The following XIRP2 variants were observed in gnomAD, a reference collection of about 807,000 sequenced individuals.
XIRP2 encodes xin actin binding repeat containing 2, also known as xin actin-binding repeat-containing protein 2.
A neutral mutation model predicts 277.0 loss-of-function variants in XIRP2; 236 were observed. That is an observed-to-expected ratio of 0.85 (90% CI 0.77 to 0.95). The LOEUF (loss-of-function observed/expected upper bound fraction) is 0.95. Ranked by LOEUF, XIRP2 falls within the 40% of genes least tolerant of loss-of-function variation. The probability of loss-of-function intolerance (pLI) is 0.00; values close to 1 mark genes in which losing one functional copy is unlikely to be tolerated. For missense variants in XIRP2, 4,640 were observed against 4,157.5 expected (o/e 1.12, Z -3.19); for synonymous variants, 1,490 against 1,416.5 (o/e 1.05, Z -1.17).
At chr2:167,091,717 T>C (rs371201063) in intron 2 of XIRP2, among the ~76,000 whole-genome samples, 2 of 152,160 alleles carry the variant, frequency 1.3e-5, no homozygotes, top group Non-Finnish European at 1.5e-5. Flanking sequence ...CTGACTAGTA[T>C]TGGACATTAC....
intron 3 of XIRP2, among the ~76,000 whole-genome samples, chr2:167,172,550 G>A (rs1011906566): frequency 3.3e-5 from 5 of 152,036 alleles, no homozygotes; most frequent in African/African-American, 9.7e-5. Context: ...TCCCCAGAAC[G>A]GCCATTTTAG....
intron 2 of XIRP2, among the ~76,000 whole-genome samples, chr2:167,078,309 A>T (rs1047230504): frequency 6.6e-6 from 1 of 152,096 alleles, no homozygotes; most frequent in Admixed American, 6.5e-5. Flanking sequence ...AATGCTGCAG[A>T]TTTTTGTACA....
chr2:166,935,805 T>C (rs1463650817), intron 2 of XIRP2, among the ~76,000 whole-genome samples: 1 of 152,220 alleles, frequency 6.6e-6, no homozygotes, highest in Non-Finnish European at 1.5e-5. Context: ...ATTAATCCAG[T>C]ATATCATTGA....
At chr2:167,198,110 A>G (rs989008) in intron 3 of XIRP2, among the ~76,000 whole-genome samples, 12,204 of 152,268 alleles carry the variant, frequency 0.08, 528 homozygotes, top group South Asian at 0.15. Context: ...AGGGATGACG[A>G]TACTGACTAA....
intron 3 of XIRP2, among the ~76,000 whole-genome samples, chr2:167,182,123 AC>A (rs1442892918): frequency 3.9e-5 from 6 of 152,184 alleles, no homozygotes; most frequent in Non-Finnish European, 7.3e-5. Context: ...TGTAAATTAT[AC>A]CTGATTAAAT....
intron 3 of XIRP2, among the ~76,000 whole-genome samples, chr2:167,180,761 G>C (rs753877199): frequency 6.6e-6 from 1 of 152,044 alleles, no homozygotes; most frequent in Non-Finnish European, 1.5e-5. Flanking sequence ...ATTCTACCTT[G>C]TCCACTTACT....
intron 2 of XIRP2, among the ~76,000 whole-genome samples, chr2:166,985,851 AAG>A (rs747185021): frequency 1.2e-4 from 19 of 152,286 alleles, no homozygotes; most frequent in East Asian, 7.7e-4. Context: ...CAGTCTCCCA[AAG>A]AGGGAAGTAT....
At chr2:167,092,784 A>G (rs116191355) in intron 2 of XIRP2, among the ~76,000 whole-genome samples, 2,099 of 152,204 alleles carry the variant, frequency 0.014, 67 homozygotes, top group African/African-American at 0.049. Flanking sequence ...AAAACTGATG[A>G]TTATTTGTGA....
intron 2 of XIRP2, among the ~76,000 whole-genome samples, chr2:166,913,062 T>G (rs1237049859): frequency 2.0e-5 from 3 of 152,158 alleles, no homozygotes; most frequent in Non-Finnish European, 2.9e-5. Flanking sequence ...GGGACCCACT[T>G]GAGGAGGCAG....
intron 9 of XIRP2, among the ~76,000 whole-genome samples, chr2:167,252,689 C>T (rs977980203): frequency 1.3e-5 from 2 of 151,910 alleles, no homozygotes; most frequent in South Asian, 2.1e-4. Context: ...CATCAAAGAA[C>T]AGCTCATTTC....
intron 2 of XIRP2, among the ~76,000 whole-genome samples, chr2:167,079,909 ATTTTTGT>A (rs1558971637): frequency 6.7e-6 from 1 of 148,512 alleles, no homozygotes; most frequent in Non-Finnish European, 1.5e-5. Flanking sequence ...TTTGGTTTTC[ATTTTTGT>A]TTTTTGTTTT....
intron 2 of XIRP2, among the ~76,000 whole-genome samples, chr2:166,962,563 T>C (rs1686325769): frequency 6.6e-6 from 1 of 151,722 alleles, no homozygotes; most frequent in Admixed American, 6.6e-5. Flanking sequence ...ATTTCAGACT[T>C]GCTTCATAAG....
Position 167,249,866 on chromosome 2 carries a change from C to A in XIRP2, c.8474C>A (p.Pro2825Gln), listed in dbSNP as rs1422535927. 5 of 1,613,324 alleles carry A rather than the reference C, an allele frequency of 3.1e-6. No homozygotes were observed. The highest frequency in any genetic ancestry group is 1.3e-5 in the African/African-American group (1 of 74,802). ...LPGSEEKNQG[P>Q]SMIGRKEERL... is the part of the protein sequence containing the mutation. ...GGAAGTGAAGAAAAAAATCAGGGAC[C>A]ATCAATGATTGGTCGAAAAGAAGAG... The change falls in exon 9 of 11, where the codon CCA (proline) becomes CAA (glutamine). Residue 2825 changes from proline (P) to glutamine (Q), a missense_variant. Coordinates refer to ENST00000409195, the MANE Select transcript of XIRP2 (RefSeq NM_152381.6).
intron 3 of XIRP2, among the ~76,000 whole-genome samples, chr2:167,174,344 AG>A (rs1361648200): frequency 6.6e-6 from 1 of 152,014 alleles, no homozygotes; most frequent in Non-Finnish European, 1.5e-5. Flanking sequence ...TAGTCTTGGG[AG>A]GGTGTATATG....
intron 2 of XIRP2, among the ~76,000 whole-genome samples, chr2:166,953,992 TA>T (rs1686100762): frequency 6.6e-6 from 1 of 151,982 alleles, no homozygotes; most frequent in South Asian, 2.1e-4. Context: ...TTTCCCCACA[TA>T]TTTTATTGTT....
Position 167,254,093 on chromosome 2 carries a change from A to C in XIRP2, c.10617A>C (p.Gly3539=), listed in dbSNP as rs1450674201. The C allele has an allele frequency of 1.2e-6, 2 of 1,610,842 alleles. No homozygotes were observed. Among genetic ancestry groups the C allele is most frequent in the Admixed American group, 3.3e-5 (2 of 59,798 alleles). ...YTLSKDSLSN[G]VPSGRQAEFS ...TGTCAAAAGACAGTTTATCCAATGGAGTGCCTAGTGGCAGACAAGCAGAAT... is the reference window on the plus strand; with the variant it reads ...TGTCAAAAGACAGTTTATCCAATGGCGTGCCTAGTGGCAGACAAGCAGAAT... Residue 3539 remains glycine (G), a synonymous_variant, in exon 10 of 11, where the codon GGA becomes GGC. Coordinates refer to ENST00000409195, the MANE Select transcript of XIRP2 (RefSeq NM_152381.6).
At chr2:167,187,573 A>G in intron 3 of XIRP2, 1 of 983,146 alleles carries the variant, frequency 1.0e-6, no homozygotes, top group Non-Finnish European at 1.2e-6. Flanking sequence ...TGCTTCCTGG[A>G]TTGTAAAATG....
chr2:166,943,393 T>G (rs908335086), intron 2 of XIRP2, among the ~76,000 whole-genome samples: 1 of 152,232 alleles, frequency 6.6e-6, no homozygotes, highest in Non-Finnish European at 1.5e-5. Context: ...TGCTTTCTCC[T>G]TGTTCTGAGC....
chr2:167,073,248 T>C lies in XIRP2; in HGVS notation c.409-62661T>C, dbSNP rs936463146. Among the ~76,000 whole-genome samples, 8 of 152,230 alleles carry C rather than the reference T, an allele frequency of 5.3e-5. 1 individual carries two copies. The highest frequency in any genetic ancestry group is 3.9e-4 in the Admixed American group (6 of 15,294). On this transcript the variant is annotated intron_variant, in intron 2 of 10. Transcript: ENST00000409195. ...TCCTTAAGTTTTTTCTATCCTATAA[T>C]TTCTCTAGCAAGTAATTACTTGGTA...
Sources: gnomAD v4.1 joint callset for allele counts (sites outside exome capture counted in the v4.1 genomes callset) on GRCh38, gnomAD v4.1.1 for gene constraint, MANE v1.5 for transcripts, NCBI Gene and HGNC (gene_info 2026-07-23, HGNC 2026-07-21) for gene names.